Variants in CALN1 observed in about 807,000 individuals in gnomAD.
CALN1 encodes the protein calcium-binding protein 8.
Under a neutral mutation model 30.6 loss-of-function variants are expected in CALN1, and 17 were observed. The ratio of observed to expected loss-of-function variants is 0.56; its 90% confidence interval spans 0.38 to 0.83. CALN1 has a LOEUF of 0.83. Ranked by LOEUF, CALN1 falls within the 40% of genes least tolerant of loss-of-function variation. CALN1 has a pLI of 0.00. For synonymous variants in CALN1, 156 were observed against 131.4 expected (o/e 1.19, Z -1.28); for missense variants, 291 against 354.9 (o/e 0.82, Z 1.45).
Position 72,015,596 on chromosome 7 carries a change from C to T in CALN1, c.501+8061G>A, listed in dbSNP as rs184326721. Among the ~76,000 whole-genome samples, 12 of 152,204 alleles carry T rather than the reference C, an allele frequency of 7.9e-5. No individual in the cohort carries two copies. In the East Asian group the frequency reaches 9.7e-4, roughly 12 times the overall value. ...CTGGGACTACAGGCATGTGCCACCA[C>T]GCCAGGCTAATTTTTTAAATTATTA... On this transcript the variant is annotated intron_variant, in intron 5 of 6. Coordinates refer to ENST00000395275, the MANE Select transcript of CALN1 (RefSeq NM_031468.4).
chr7:72,418,515 C>T (rs1807498826), intron 1 of CALN1, among the ~76,000 whole-genome samples: 1 of 152,148 alleles, frequency 6.6e-6, no homozygotes, highest in African/African-American at 2.4e-5. Context: ...CGCACTGCAC[C>T]CTCCAGGGCT....
intron 5 of CALN1, among the ~76,000 whole-genome samples, chr7:71,908,519 T>C (rs1374569912): frequency 3.3e-5 from 5 of 152,104 alleles, no homozygotes; most frequent in Admixed American, 3.3e-4. Flanking sequence ...GAATAGAAGA[T>C]AAAAATTCCT....
chr7:72,039,377 T>C (rs1296225499), intron 4 of CALN1, among the ~76,000 whole-genome samples: 2 of 152,198 alleles, frequency 1.3e-5, no homozygotes, highest in Non-Finnish European at 2.9e-5. Context: ...AACTCCCTGT[T>C]CGAGCTTCCC....
At chr7:72,012,990 G>T (rs976702014) in intron 5 of CALN1, among the ~76,000 whole-genome samples, 1 of 152,034 alleles carries the variant, frequency 6.6e-6, no homozygotes, top group Admixed American at 6.6e-5. Flanking sequence ...TAGAGACAGG[G>T]TTTTACCATA....
At chr7:72,147,921 G>A (rs1186469094) in intron 3 of CALN1, among the ~76,000 whole-genome samples, 3 of 145,964 alleles carry the variant, frequency 2.1e-5, no homozygotes, top group Non-Finnish European at 4.5e-5. Context: ...ACACAGGAAG[G>A]GGGACATCAC....
intron 3 of CALN1, among the ~76,000 whole-genome samples, chr7:72,125,946 C>T (rs1237706434): frequency 1.3e-5 from 2 of 151,884 alleles, no homozygotes; most frequent in Non-Finnish European, 2.9e-5. Context: ...ATTATAGGCG[C>T]GTGCCACCAC....
intron 2 of CALN1, among the ~76,000 whole-genome samples, chr7:72,324,614 CCT>C (rs1206106501): frequency 1.3e-5 from 2 of 151,066 alleles, no homozygotes; most frequent in South Asian, 2.1e-4. Flanking sequence ...ACAGAGTCTC[CCT>C]CTGTTGGCCA....
At chr7:72,500,269 C>CTTTTTT in the CALN1 span, among the ~76,000 whole-genome samples, 573 of 51,374 alleles carry the variant, frequency 0.011, 142 homozygotes, top group East Asian at 0.056. Context: ...TTCGTTCCTT[C>CTTTTTT]TTTTTTTTTT....
At chr7:72,455,373 G>A in the CALN1 span, among the ~76,000 whole-genome samples, 1 of 150,518 alleles carries the variant, frequency 6.6e-6, no homozygotes, top group Non-Finnish European at 1.5e-5. Flanking sequence ...GTACATAGGT[G>A]TGTATATATA....
At chr7:71,997,799 TTTTA>T (rs1157400680) in intron 5 of CALN1, among the ~76,000 whole-genome samples, 3 of 152,038 alleles carry the variant, frequency 2.0e-5, no homozygotes, top group African/African-American at 7.3e-5. Context: ...TAAAAATAAT[TTTTA>T]TTTATGAATT....
intron 5 of CALN1, among the ~76,000 whole-genome samples, chr7:71,986,058 T>G (rs903520207): frequency 4.0e-5 from 6 of 151,096 alleles, no homozygotes; most frequent in Non-Finnish European, 8.9e-5. Flanking sequence ...ATCTTTCTCT[T>G]TTTTTTTTGA....
At chr7:72,366,942 T>C (rs768876944) in intron 2 of CALN1, among the ~76,000 whole-genome samples, 3 of 151,932 alleles carry the variant, frequency 2.0e-5, no homozygotes, top group Non-Finnish European at 4.4e-5. Context: ...AACAATAAAA[T>C]GGATAAATAA....
At chr7:71,831,120 C>T (rs1789250090) in intron 5 of CALN1, among the ~76,000 whole-genome samples, 1 of 152,046 alleles carries the variant, frequency 6.6e-6, no homozygotes, top group Non-Finnish European at 1.5e-5. Flanking sequence ...TAGTTGCGTA[C>T]CCTGAAGCAG....
chr7:72,335,593 G>A (rs964178539), intron 2 of CALN1, among the ~76,000 whole-genome samples: 7 of 152,182 alleles, frequency 4.6e-5, no homozygotes, highest in Admixed American at 3.9e-4. Context: ...CTCCTTTTTT[G>A]CAGAAAACCG....
At chr7:71,791,936 G>C (rs921050278) in intron 6 of CALN1, among the ~76,000 whole-genome samples, 3 of 152,050 alleles carry the variant, frequency 2.0e-5, no homozygotes, top group Admixed American at 1.3e-4. Flanking sequence ...GTGTGAACCC[G>C]GGAGGCAGAG....
In CALN1 at chr7:71,784,731, C is replaced by T. The variant is rs1463851157; in HGVS notation, c.*3044G>A. 2 of 398,478 alleles carry T rather than the reference C, an allele frequency of 5.0e-6. No individual in the cohort carries two copies. The allele number at this position is 398,478 out of a possible 1,614,324, so 24.7% of individuals were successfully genotyped here. ...CCACACAGTTGGGCAGCCAAGGTCA[C>T]TGGTTCCTAAGTCCGGAGGACAGAA... On this transcript the variant is annotated 3_prime_UTR_variant, in exon 7 of 7. Transcript: ENST00000395275.
At chr7:71,943,316 G>A (rs970681348) in intron 5 of CALN1, among the ~76,000 whole-genome samples, 1 of 152,232 alleles carries the variant, frequency 6.6e-6, no homozygotes, top group African/African-American at 2.4e-5. Flanking sequence ...CAGAGTGCTA[G>A]AGCTCAGGTT....
chr7:72,007,979 T>C (rs1799867385), intron 5 of CALN1, among the ~76,000 whole-genome samples: 2 of 152,114 alleles, frequency 1.3e-5, no homozygotes, highest in Non-Finnish European at 2.9e-5. Context: ...AGAAACAGAA[T>C]TGAGACAAAT....
At chr7:71,953,480 T>C (rs866891706) in intron 5 of CALN1, among the ~76,000 whole-genome samples, 12 of 150,640 alleles carry the variant, frequency 8.0e-5, no homozygotes, top group African/African-American at 2.9e-4. Context: ...AGTCACCTCT[T>C]CTTCTCCTTT....
Sources: gnomAD v4.1 joint callset for allele counts (sites outside exome capture counted in the v4.1 genomes callset) on GRCh38, gnomAD v4.1.1 for gene constraint, MANE v1.5 for transcripts, NCBI Gene and HGNC (gene_info 2026-07-23, HGNC 2026-07-21) for gene names.